Variants in BMP6 observed in about 807,000 individuals in gnomAD.
The protein encoded by BMP6 is bone morphogenetic protein 6, also known as VG-1-R.
A neutral mutation model predicts 54.1 loss-of-function variants in BMP6; 17 were observed. That is an observed-to-expected ratio of 0.31 (90% confidence interval 0.22 to 0.47). The LOEUF is 0.47. BMP6 is among the 20% of genes least tolerant of loss of function. The pLI, the probability that BMP6 is intolerant of heterozygous loss-of-function variation, is 1.00. For missense variants in BMP6, 720 were observed against 690.4 expected (o/e 1.04, Z -0.48); for synonymous variants, 328 against 291.2 (o/e 1.13, Z -1.28).
intron 1 of BMP6, among the ~76,000 whole-genome samples, chr6:7,813,796 C>T (rs1250683976): frequency 6.6e-6 from 1 of 151,984 alleles, no homozygotes; most frequent in Non-Finnish European, 1.5e-5. Context: ...TGGAAACAGT[C>T]ACTGTATAAG....
chr6:7,873,633 T>C, intron 4 of BMP6, among the ~76,000 whole-genome samples: 1 of 152,050 alleles, frequency 6.6e-6, no homozygotes, highest in Admixed American at 6.6e-5. Context: ...TGCTTGGCTT[T>C]TTTGGTAACT....
At chr6:7,819,496 C>T (rs192696511) in intron 1 of BMP6, among the ~76,000 whole-genome samples, 27 of 151,112 alleles carry the variant, frequency 1.8e-4, no homozygotes, top group Admixed American at 7.2e-4. Flanking sequence ...ATTTGGCAAA[C>T]GGAGATAAAC....
rs932017857 is a variant in BMP6, at chr6:7,766,964, A to T, written c.664+39345A>T. Among the ~76,000 whole-genome samples the T allele has an allele frequency of 1.4e-3, 207 of 149,102 alleles. 1 individual carries two copies. The highest frequency in any genetic ancestry group is 5.3e-3 in the East Asian group (27 of 5,050). On this transcript the variant is annotated intron_variant, in intron 1 of 6. Coordinates refer to ENST00000283147, the MANE Select transcript of BMP6 (RefSeq NM_001718.6). ...TTTTATTTTTATTTTTTATTTATTT[A>T]TTTATTTTTTTAAATGATAGTTTGT... is the stretch of plus-strand genomic sequence containing the variant.
rs551216911 is a variant in BMP6 at position 7,832,595 on chromosome 6, G to GT, written c.665-12543dup. On this transcript the variant is annotated intron_variant, in intron 1 of 6. Transcript: ENST00000283147. ...ACCCATTGCGTATTGCAAGTAGGTG[G>GT]TTAGAGGAGCAGCAAAACAGGAACT... Among the ~76,000 whole-genome samples, 635 of 152,078 alleles carry GT rather than the reference G, an allele frequency of 4.2e-3. 1 individual carries two copies. The highest frequency in any genetic ancestry group is 0.01 in the Middle Eastern group (3 of 294).
intron 1 of BMP6, among the ~76,000 whole-genome samples, chr6:7,777,617 T>C (rs1309021466): frequency 6.6e-6 from 1 of 151,806 alleles, no homozygotes; most frequent in Non-Finnish European, 1.5e-5. Context: ...GGGAGAGGAC[T>C]TAGGTGAATA....
chr6:7,870,460 C>G (rs1411058634), intron 4 of BMP6, among the ~76,000 whole-genome samples: 1 of 152,198 alleles, frequency 6.6e-6, no homozygotes, highest in South Asian at 2.1e-4. Context: ...CATAAAGACA[C>G]GCTTTGGGCA....
chr6:7,762,945 G>C (rs1757634465), intron 1 of BMP6, among the ~76,000 whole-genome samples: 1 of 152,230 alleles, frequency 6.6e-6, no homozygotes, highest in Admixed American at 6.5e-5. Context: ...GAGTCTGGAG[G>C]AGAAACCTTT....
chr6:7,870,836 TCAGG>T (rs1759512831), intron 4 of BMP6, among the ~76,000 whole-genome samples: 1 of 152,016 alleles, frequency 6.6e-6, no homozygotes, highest in African/African-American at 2.4e-5. Context: ...ACCATGTTGG[TCAGG>T]CTGGTCTCAA....
chr6:7,809,117 C>CCCA (rs1491346695), intron 1 of BMP6, among the ~76,000 whole-genome samples: 2 of 99,208 alleles, frequency 2.0e-5, no homozygotes, highest in African/African-American at 4.2e-5. Context: ...CACCCCCCCC[C>CCCA]AAAAAAAAAA....
At chr6:7,807,330 G>A (rs1448106861) in intron 1 of BMP6, among the ~76,000 whole-genome samples, 1 of 152,106 alleles carries the variant, frequency 6.6e-6, no homozygotes, top group Non-Finnish European at 1.5e-5. Context: ...TTTTGCTCTT[G>A]TTGCCCAGGC....
chr6:7,881,578 T>A lies in BMP6; in HGVS notation c.*1235T>A, dbSNP rs1196881365. 9.2e-5 allele frequency: 14 copies of A among 152,282 alleles called. No individual in the cohort carries two copies. The highest frequency in any genetic ancestry group is 9.2e-4 in the Admixed American group (14 of 15,288). 9.4% of individuals were successfully genotyped at this position (152,282 alleles called of 1,614,324 possible). A position where few individuals can be genotyped will look rare whatever the true frequency, so the allele number is the denominator to read the frequency against. ...GTGTAAACAAACAAATTGTACCACT[T>A]TGATTTTCTTGGAATACAAGACTCG... On this transcript the variant is annotated 3_prime_UTR_variant, in exon 7 of 7. Coordinates refer to ENST00000283147, the MANE Select transcript of BMP6 (RefSeq NM_001718.6).
chr6:7,835,774 A>G (rs1162768041), intron 1 of BMP6, among the ~76,000 whole-genome samples: 2 of 152,160 alleles, frequency 1.3e-5, no homozygotes, highest in Non-Finnish European at 2.9e-5. Flanking sequence ...ATAGAAGCCA[A>G]GGTCCACTAC....
At chr6:7,777,527 C>T (rs1757879275) in intron 1 of BMP6, among the ~76,000 whole-genome samples, 1 of 152,082 alleles carries the variant, frequency 6.6e-6, no homozygotes, top group Admixed American at 6.5e-5. Flanking sequence ...AAATTGAACT[C>T]CCTTGAGGCC....
intron 1 of BMP6, among the ~76,000 whole-genome samples, chr6:7,816,691 T>C (rs1165031764): frequency 6.6e-6 from 1 of 152,210 alleles, no homozygotes; most frequent in African/African-American, 2.4e-5. Context: ...AAAACTAGTT[T>C]TACTTGATTA....
intron 4 of BMP6, among the ~76,000 whole-genome samples, chr6:7,863,360 C>A (rs1214689882): frequency 6.6e-6 from 1 of 152,172 alleles, no homozygotes; most frequent in Non-Finnish European, 1.5e-5. Context: ...GAATCTCTCT[C>A]TTTTTCTGTT....
intron 1 of BMP6, among the ~76,000 whole-genome samples, chr6:7,797,585 G>A (rs1036279580): frequency 2.6e-5 from 4 of 152,120 alleles, no homozygotes; most frequent in African/African-American, 7.2e-5. Flanking sequence ...TGCAAATGGC[G>A]ACATTTCATC....
intron 4 of BMP6, among the ~76,000 whole-genome samples, chr6:7,876,661 G>A (rs150635915): frequency 2.5e-4 from 38 of 152,286 alleles, no homozygotes; most frequent in African/African-American, 8.4e-4. Flanking sequence ...TAAGTAATCT[G>A]TTTAATCTGT....
chr6:7,797,397 A>G (rs1283578571), intron 1 of BMP6, among the ~76,000 whole-genome samples: 2 of 152,218 alleles, frequency 1.3e-5, no homozygotes, highest in Admixed American at 6.5e-5. Flanking sequence ...CTAAGGAGCT[A>G]ATATTCTAAG....
chr6:7,871,185 A>G (rs1759518554), intron 4 of BMP6, among the ~76,000 whole-genome samples: 1 of 152,246 alleles, frequency 6.6e-6, no homozygotes, highest in Admixed American at 6.5e-5. Flanking sequence ...GGTGCTAGAA[A>G]AGAAAAATCT....
Sources: allele counts gnomAD v4.1 joint callset (sites outside exome capture counted in the v4.1 genomes callset), GRCh38; gene constraint gnomAD v4.1.1; transcripts MANE v1.5; gene names NCBI Gene and HGNC (gene_info 2026-07-23, HGNC 2026-07-21).